STX17: variants seen among roughly 807,000 people sequenced by gnomAD.
The protein encoded by STX17 is syntaxin-17.
STX17 carries 29 observed loss-of-function variants against 35.9 expected under a neutral mutation model. That is an observed-to-expected ratio of 0.81 (90% confidence interval 0.60 to 1.10). The LOEUF is 1.10. STX17 is among the 50% of genes least tolerant of loss of function. The probability of loss-of-function intolerance (pLI) is 0.00; values close to 1 mark genes in which losing one functional copy is unlikely to be tolerated. For synonymous variants in STX17, 92 were observed against 118.3 expected (o/e 0.78, Z 1.44); for missense variants, 312 against 352.3 (o/e 0.89, Z 0.92).
At chr9:99,956,999 C>G (rs1260247150) in intron 4 of STX17, among the ~76,000 whole-genome samples, 1 of 152,212 alleles carries the variant, frequency 6.6e-6, no homozygotes, top group Non-Finnish European at 1.5e-5. Flanking sequence ...AACCCTTCAA[C>G]AGCTCTCTTT....
At chr9:99,950,739 G>T (rs1444832652) in intron 3 of STX17, among the ~76,000 whole-genome samples, 1 of 151,924 alleles carries the variant, frequency 6.6e-6, no homozygotes, top group African/African-American at 2.4e-5. Flanking sequence ...TTAAGAGGGG[G>T]TGGGATAGGT....
chr9:99,953,074 A>G (rs1295582584), intron 4 of STX17, among the ~76,000 whole-genome samples: 1 of 152,012 alleles, frequency 6.6e-6, no homozygotes, highest in East Asian at 1.9e-4. Context: ...AAGAAATGTT[A>G]CATCTGCCCA....
intron 3 of STX17, among the ~76,000 whole-genome samples, chr9:99,944,940 TATG>T (rs1829448864): frequency 6.6e-6 from 1 of 152,212 alleles, no homozygotes; most frequent in Non-Finnish European, 1.5e-5. Flanking sequence ...TTAATTTTAT[TATG>T]ATCAGAGTAT....
At chr9:99,929,910 C>CTTTTTTTT (rs528774463) in intron 3 of STX17, 32 of 118,348 alleles carry the variant, frequency 2.7e-4, no homozygotes, top group East Asian at 4.8e-4. Flanking sequence ...TTTTTCTTTT[C>CTTTTTTTT]TTTTTTTTTT....
intron 3 of STX17, among the ~76,000 whole-genome samples, chr9:99,941,304 G>C (rs929299565): frequency 1.3e-5 from 2 of 152,150 alleles, no homozygotes; most frequent in Admixed American, 1.3e-4. Context: ...AAACTTTACA[G>C]TTCAGTTGAA....
chr9:99,931,267 C>T (rs1370161608), intron 3 of STX17, among the ~76,000 whole-genome samples: 1 of 152,192 alleles, frequency 6.6e-6, no homozygotes, highest in Non-Finnish European at 1.5e-5. Context: ...GCGTGAGCTA[C>T]TGCGCCCAGC....
intron 1 of STX17, among the ~76,000 whole-genome samples, chr9:99,912,157 C>A (rs192872443): frequency 3.3e-5 from 5 of 151,892 alleles, no homozygotes; most frequent in African/African-American, 1.2e-4. Context: ...ACCCGGGAGG[C>A]AGAGGTTGCA....
chr9:99,954,413 G>C (rs1829667878), intron 4 of STX17, among the ~76,000 whole-genome samples: 1 of 152,052 alleles, frequency 6.6e-6, no homozygotes, highest in Non-Finnish European at 1.5e-5. Flanking sequence ...GAGAGTTTCT[G>C]CTATATTGCC....
At chr9:99,963,790 G>A (rs914096138) in intron 6 of STX17, among the ~76,000 whole-genome samples, 2 of 152,002 alleles carry the variant, frequency 1.3e-5, no homozygotes, top group African/African-American at 2.4e-5. Flanking sequence ...TTGCTTACTC[G>A]AAGCCAATAT....
At position 99,968,646 on chromosome 9, in the gene STX17, C is replaced by T; in HGVS notation, c.882C>T (p.Pro294=). The T allele has an allele frequency of 2.5e-6, 4 of 1,613,814 alleles. No individual in the cohort carries two copies. Among genetic ancestry groups the T allele is most frequent in the Non-Finnish European group, 2.5e-6 (3 of 1,179,878 alleles). ...TCACTTCCAGCTGTCCAGATCTTCC[C>T]AGCCAAACTGACAAGAAATGCAGTT... ...EKLTSSCPDL[P]SQTDKKCS is the part of the protein sequence containing the mutation. Residue 294 remains proline, a synonymous_variant, in exon 8 of 8, where the codon CCC becomes CCT. Coordinates refer to ENST00000259400, the MANE Select transcript of STX17 (RefSeq NM_017919.3).
chr9:99,920,454 A>T (rs1329295829), intron 2 of STX17, among the ~76,000 whole-genome samples: 1 of 152,206 alleles, frequency 6.6e-6, no homozygotes, highest in Non-Finnish European at 1.5e-5. Flanking sequence ...TTGGACACTT[A>T]ATGACCTTGT....
chr9:99,915,711 A>G (rs945438800), intron 2 of STX17, among the ~76,000 whole-genome samples: 2 of 151,966 alleles, frequency 1.3e-5, no homozygotes, highest in Non-Finnish European at 2.9e-5. Flanking sequence ...ACACACCACT[A>G]TCCGTGGCTA....
At chr9:99,948,199 C>T (rs186451025) in intron 3 of STX17, among the ~76,000 whole-genome samples, 108 of 152,046 alleles carry the variant, frequency 7.1e-4, no homozygotes, top group East Asian at 6.4e-3. Flanking sequence ...TAAAATGTAG[C>T]CAGTTTGAAC....
chr9:99,948,037 C>A (rs1829519013), intron 3 of STX17, among the ~76,000 whole-genome samples: 1 of 151,656 alleles, frequency 6.6e-6, no homozygotes. Flanking sequence ...GTCTGAATCA[C>A]CTAGCCTGCT....
intron 6 of STX17, among the ~76,000 whole-genome samples, chr9:99,965,216 G>GT (rs1295195320): frequency 6.6e-6 from 1 of 152,056 alleles, no homozygotes; most frequent in Non-Finnish European, 1.5e-5. Context: ...TGCTTCTTCA[G>GT]TTATTCCAAA....
intron 4 of STX17, 43 bp from the exon 5 acceptor site, chr9:99,959,874 A>C (rs1829792159): frequency 7.7e-6 from 11 of 1,430,102 alleles, no homozygotes; most frequent in Non-Finnish European, 1.1e-5. Context: ...CTTTTCTAAC[A>C]AAGCAAATAA....
In STX17 at chr9:99,930,503, G is replaced by T. The variant is rs542050326; in HGVS notation, c.189+1660G>T. Among the ~76,000 whole-genome samples, 3 of 152,162 alleles carry T rather than the reference G, an allele frequency of 2.0e-5. No individual in the cohort carries two copies. In the East Asian group the frequency reaches 5.8e-4, roughly 30 times the overall value. ...AGGATGATCTCGATCTCCTGAGCTC[G>T]TGGTCCACCCGCCTCAGCCTCCCAA... On this transcript the variant is annotated intron_variant, in intron 3 of 7. Coordinates refer to ENST00000259400, the MANE Select transcript of STX17 (RefSeq NM_017919.3).
intron 3 of STX17, among the ~76,000 whole-genome samples, chr9:99,936,080 A>G (rs1333151142): frequency 6.6e-6 from 1 of 152,168 alleles, no homozygotes; most frequent in African/African-American, 2.4e-5. Context: ...AATGTCTGTC[A>G]GTGTTTAATT....
At chr9:99,967,782 C>T (rs550339540) in intron 7 of STX17, 43 bp downstream of exon 7, 1 of 1,558,874 alleles carries the variant, frequency 6.4e-7, no homozygotes, top group South Asian at 1.1e-5. Context: ...TACTCTGGCT[C>T]CCAGGAATCT....
Sources: gnomAD v4.1 joint callset for allele counts (sites outside exome capture counted in the v4.1 genomes callset) on GRCh38, gnomAD v4.1.1 for gene constraint, MANE v1.5 for transcripts, NCBI Gene and HGNC (gene_info 2026-07-23, HGNC 2026-07-21) for gene names.